Variants in CCDC158 observed in about 807,000 individuals in gnomAD.
The protein encoded by CCDC158 is coiled-coil domain containing 158, also known as coiled-coil domain-containing protein 158.
Under a neutral mutation model 138.6 loss-of-function variants are expected in CCDC158, and 116 were observed. The observed-to-expected ratio is 0.84, with a 90% CI of 0.72 to 0.98. The LOEUF (loss-of-function observed/expected upper bound fraction) is 0.98. Ranked by LOEUF, CCDC158 falls within the 50% of genes least tolerant of loss-of-function variation. The pLI, the probability that CCDC158 is intolerant of heterozygous loss-of-function variation, is 0.00. For missense variants in CCDC158, 1,265 were observed against 1,306.1 expected, an observed-to-expected ratio of 0.97 and a Z score of 0.48; for synonymous variants, 436 against 442.4, an observed-to-expected ratio of 0.99 and a Z score of 0.18.
At chr4:76,319,827 C>A (rs1333104561) in intron 24 of CCDC158, among the ~76,000 whole-genome samples, 1 of 151,856 alleles carries the variant, frequency 6.6e-6, no homozygotes, top group Non-Finnish European at 1.5e-5. Context: ...AAACTCATAG[C>A]CAACATTATA....
At chr4:76,324,867 G>C (rs185828411) in intron 23 of CCDC158, among the ~76,000 whole-genome samples, 1 of 152,170 alleles carries the variant, frequency 6.6e-6, no homozygotes. Context: ...CTGCATCTGC[G>C]GGGATAGTGG....
chr4:76,382,513 C>G, intron 8 of CCDC158, 97 bp downstream of exon 8: 1 of 729,128 alleles, frequency 1.4e-6, no homozygotes, highest in Non-Finnish European at 2.3e-6. Flanking sequence ...CTTATGAAAT[C>G]TTACTAAGCA....
chr4:76,362,149 C>G lies in CCDC158; in HGVS notation c.1997G>C (p.Arg666Thr), dbSNP rs950717339. 6.2e-7 allele frequency: 1 copy of G among 1,613,656 alleles called. No individual in the cohort carries two copies. The highest frequency in any genetic ancestry group is 1.3e-5 in the African/African-American group (1 of 74,878). Residue 666 changes from arginine to threonine, a missense_variant, in exon 13 of 25, where the codon AGG (arginine) becomes ACG (threonine). Physicochemically the swap from Arg to Thr is moderately conservative, Grantham distance 71. Transcript: ENST00000682701. ...DQLLNEVKTS[R>T]SELNNLSEEY... is the part of the protein sequence containing the mutation. ...ACCTGAAAGATTGTTTAATTCACTCCTACTTGTTTTCACCTCATTTAATAA... is the reference window on the plus strand; with the variant it reads ...ACCTGAAAGATTGTTTAATTCACTCGTACTTGTTTTCACCTCATTTAATAA...
chr4:76,345,832 T>G (rs571089164), intron 18 of CCDC158, among the ~76,000 whole-genome samples: 3 of 152,318 alleles, frequency 2.0e-5, no homozygotes, highest in African/African-American at 7.2e-5. Context: ...AATTGGTAGA[T>G]TCAATGATAT....
chr4:76,333,899 A>T, intron 19 of CCDC158, 111 bp downstream of exon 19: 1 of 693,790 alleles, frequency 1.4e-6, no homozygotes, highest in Non-Finnish European at 2.2e-6. Context: ...GTAACTTCAG[A>T]TACTTTTAAA....
At chr4:76,390,029 C>A (rs1727169567) in intron 4 of CCDC158, among the ~76,000 whole-genome samples, 1 of 152,070 alleles carries the variant, frequency 6.6e-6, no homozygotes, top group Admixed American at 6.5e-5. Flanking sequence ...TCCAAAGGTA[C>A]AAAACTCATT....
At chr4:76,396,575 G>A (rs1579074181) in intron 3 of CCDC158, 89 bp from the exon 4 acceptor site, 5 of 925,672 alleles carry the variant, frequency 5.4e-6, no homozygotes, top group East Asian at 2.7e-5. Context: ...GCAATGGCGC[G>A]ATCTTGCTCA....
intron 9 of CCDC158, among the ~76,000 whole-genome samples, chr4:76,373,661 T>C (rs1341814770): frequency 6.6e-6 from 1 of 152,060 alleles, no homozygotes; most frequent in Non-Finnish European, 1.5e-5. Flanking sequence ...GGAATAGAAG[T>C]TATATATATA....
intron 18 of CCDC158, among the ~76,000 whole-genome samples, chr4:76,337,155 T>G (rs934998070): frequency 2.6e-5 from 4 of 151,928 alleles, no homozygotes; most frequent in African/African-American, 9.7e-5. Flanking sequence ...TATTTTTGGG[T>G]TTTTTTGTAT....
intron 2 of CCDC158, 85 bp downstream of exon 2, chr4:76,412,005 T>C (rs1171088544): frequency 6.6e-6 from 1 of 152,148 alleles, no homozygotes; most frequent in Non-Finnish European, 1.5e-5. Flanking sequence ...CTAAAATAAA[T>C]CAGATATAGA....
intron 3 of CCDC158, among the ~76,000 whole-genome samples, chr4:76,398,532 G>T (rs1318299554): frequency 6.6e-6 from 1 of 151,930 alleles, no homozygotes; most frequent in Non-Finnish European, 1.5e-5. Flanking sequence ...GCCAGGTGTG[G>T]TGGTGTGTGC....
intron 4 of CCDC158, among the ~76,000 whole-genome samples, chr4:76,387,563 G>A (rs890862113): frequency 2.6e-5 from 4 of 151,936 alleles, no homozygotes; most frequent in African/African-American, 7.3e-5. Flanking sequence ...GGTAGCTCAC[G>A]CCTGTAGTCC....
At chr4:76,324,891 C>T (rs1031642375) in intron 23 of CCDC158, among the ~76,000 whole-genome samples, 6 of 152,126 alleles carry the variant, frequency 3.9e-5, no homozygotes, top group Non-Finnish European at 8.8e-5. Context: ...AAGGATCCAC[C>T]ACCTTGTTTC....
chr4:76,367,882 G>T, intron 11 of CCDC158, 106 bp from the exon 12 acceptor site: 56 of 1,000,324 alleles, frequency 5.6e-5, no homozygotes, highest in Non-Finnish European at 7.1e-5. Flanking sequence ...ATTAGGCAAT[G>T]TTTAGTAAGA....
chr4:76,353,121 A>T lies in CCDC158; in HGVS notation c.2445+2T>A. ...TACTTCATATGTTTAGTTAATAATT[A>T]CCTTATCCAGAGCCACTTCCATATT... On this transcript the variant is annotated splice_donor_variant, in intron 16 of 24. Coordinates refer to ENST00000682701, the MANE Select transcript of CCDC158 (RefSeq NM_001394954.1). LOFTEE classifies it high-confidence loss of function. The T allele has an allele frequency of 6.2e-7, 1 of 1,606,958 alleles. No individual in the cohort carries two copies. Among genetic ancestry groups the T allele is most frequent in the Non-Finnish European group, 8.5e-7 (1 of 1,177,264 alleles).
intron 9 of CCDC158, chr4:76,375,346 G>T: frequency 2.3e-6 from 1 of 431,172 alleles, no homozygotes; most frequent in East Asian, 3.4e-5. Flanking sequence ...ATCACACGAG[G>T]TTTGGTTTGT....
intron 8 of CCDC158, among the ~76,000 whole-genome samples, chr4:76,381,844 G>A (rs150522887): frequency 0.012 from 1,817 of 152,218 alleles, 35 homozygotes; most frequent in African/African-American, 0.042. Flanking sequence ...ACCATGCCCA[G>A]CTAATTTTTT....
In CCDC158 at chr4:76,344,764, T is replaced by C. The variant is rs1015587824; in HGVS notation, c.2664+6232A>G. 11 of 1,611,880 alleles carry C rather than the reference T, an allele frequency of 6.8e-6. No individual in the cohort carries two copies. The Admixed American group carries it at 1.7e-4, about 24-fold the overall frequency. Reference sequence around the variant, plus strand: ...GAAACAACAGACTATGCTGGGCTTATTATTCCACCTGCTGCTATGAAGCCC... The same window carrying C: ...GAAACAACAGACTATGCTGGGCTTACTATTCCACCTGCTGCTATGAAGCCC... On this transcript the variant is annotated intron_variant, in intron 18 of 24. Transcript: ENST00000682701.
At chr4:76,395,933 A>G (rs1162359628) in intron 4 of CCDC158, among the ~76,000 whole-genome samples, 3 of 152,252 alleles carry the variant, frequency 2.0e-5, no homozygotes, top group Non-Finnish European at 4.4e-5. Flanking sequence ...GTATCATGAT[A>G]GCAGGACAGC....
Sources: allele counts gnomAD v4.1 joint callset (sites outside exome capture counted in the v4.1 genomes callset), GRCh38; gene constraint gnomAD v4.1.1; transcripts MANE v1.5; gene names NCBI Gene and HGNC (gene_info 2026-07-23, HGNC 2026-07-21).